Variants in TRAPPC9 observed in about 807,000 individuals in gnomAD.
TRAPPC9 encodes the protein trafficking protein particle complex subunit 9.
Under a neutral mutation model 124.0 loss-of-function variants are expected in TRAPPC9, and 83 were observed. The ratio of observed to expected loss-of-function variants is 0.67; its 90% CI spans 0.56 to 0.80. TRAPPC9 has a LOEUF of 0.80. TRAPPC9 is among the 30% of genes least tolerant of loss of function. The pLI, the probability that TRAPPC9 is intolerant of heterozygous loss-of-function variation, is 0.00. For missense variants in TRAPPC9, 1,302 were observed against 1,508.3 expected (o/e 0.86, Z 2.27); for synonymous variants, 638 against 617.5 (o/e 1.03, Z -0.49).
At chr8:140,308,300 A>G (rs935816678) in intron 10 of TRAPPC9, among the ~76,000 whole-genome samples, 1 of 151,232 alleles carries the variant, frequency 6.6e-6, no homozygotes, top group Non-Finnish European at 1.5e-5. Flanking sequence ...AGTACATTAG[A>G]GTCTGTTCTC....
At chr8:139,891,523 C>T (rs35568666) in intron 20 of TRAPPC9, among the ~76,000 whole-genome samples, 20,816 of 152,204 alleles carry the variant, frequency 0.14, 1,596 homozygotes, top group Admixed American at 0.2. Flanking sequence ...CAGGCTGGGC[C>T]CTGGGCTGGA....
intron 5 of TRAPPC9, among the ~76,000 whole-genome samples, chr8:140,423,747 T>TATAC (rs2070324153): frequency 6.6e-6 from 1 of 151,144 alleles, no homozygotes; most frequent in African/African-American, 2.5e-5. Flanking sequence ...TACACACATA[T>TATAC]ATATACATAT....
chr8:140,259,188 C>T (rs775318487), intron 15 of TRAPPC9, among the ~76,000 whole-genome samples: 1 of 152,234 alleles, frequency 6.6e-6, no homozygotes, highest in Non-Finnish European at 1.5e-5. Flanking sequence ...CACACCACTC[C>T]CTCTGCCAGG....
intron 11 of TRAPPC9, among the ~76,000 whole-genome samples, chr8:140,297,381 AC>A (rs1481404888): frequency 7.7e-6 from 1 of 130,490 alleles, no homozygotes; most frequent in African/African-American, 3.0e-5. Flanking sequence ...CACACAATAT[AC>A]ACATGCATAC....
intron 21 of TRAPPC9, among the ~76,000 whole-genome samples, chr8:139,743,861 C>G (rs1002044151): frequency 6.6e-6 from 1 of 152,200 alleles, no homozygotes; most frequent in African/African-American, 2.4e-5. Flanking sequence ...CAATGCCCCC[C>G]AGTCCAGCAT....
intron 9 of TRAPPC9, among the ~76,000 whole-genome samples, chr8:140,341,076 C>T (rs780515562): frequency 1.6e-4 from 25 of 152,166 alleles, no homozygotes; most frequent in South Asian, 2.1e-4. Flanking sequence ...AAAAAGGCAA[C>T]TGGGCTTATT....
At chr8:140,250,868 A>C (rs7017431) in intron 16 of TRAPPC9, among the ~76,000 whole-genome samples, 1 of 151,980 alleles carries the variant, frequency 6.6e-6, no homozygotes, top group Non-Finnish European at 1.5e-5. Flanking sequence ...ACCATAATTC[A>C]AGGCCTGATT....
chr8:139,799,670 G>A (rs1279405432), intron 21 of TRAPPC9, among the ~76,000 whole-genome samples: 1 of 152,184 alleles, frequency 6.6e-6, no homozygotes, highest in African/African-American at 2.4e-5. Context: ...TCCACACTCA[G>A]TCCGTGGGCA....
intron 2 of TRAPPC9, among the ~76,000 whole-genome samples, chr8:140,449,062 A>G (rs901676178): frequency 1.3e-5 from 2 of 152,174 alleles, no homozygotes; most frequent in Non-Finnish European, 2.9e-5. Context: ...GACCCTGCAA[A>G]GCACCACAGG....
chr8:140,315,885 A>C (rs1306662598), intron 9 of TRAPPC9, among the ~76,000 whole-genome samples: 1 of 152,204 alleles, frequency 6.6e-6, no homozygotes, highest in Non-Finnish European at 1.5e-5. Context: ...AAATCATGGG[A>C]AACTCCTATA....
At chr8:139,957,862 C>T (rs779541477) in intron 19 of TRAPPC9, among the ~76,000 whole-genome samples, 4 of 152,210 alleles carry the variant, frequency 2.6e-5, no homozygotes, top group Non-Finnish European at 4.4e-5. Flanking sequence ...GCCTCCTCTT[C>T]GTCTTCTCCA....
rs1817670572 is a variant in TRAPPC9, at chr8:139,728,714, C to T, written c.*2347G>A. On this transcript the variant is annotated 3_prime_UTR_variant, in exon 23 of 23. Transcript: ENST00000438773. ...CCTGGGGGTGGGGAAGGGCCTGGGG[C>T]TGGCAGAGCCAGGCTGTATTTGGGT... Among the ~76,000 whole-genome samples, 1 of 152,190 alleles carries T rather than the reference C, an allele frequency of 6.6e-6. No individual in the cohort carries two copies. The highest frequency in any genetic ancestry group is 2.1e-4 in the South Asian group (1 of 4,828).
At chr8:140,288,280 C>T (rs983980768) in intron 12 of TRAPPC9, among the ~76,000 whole-genome samples, 5 of 152,194 alleles carry the variant, frequency 3.3e-5, no homozygotes, top group South Asian at 2.1e-4. Flanking sequence ...GAGGCTGAGG[C>T]TGCAATGATC....
chr8:140,035,148 G>A (rs1840797105), intron 17 of TRAPPC9, among the ~76,000 whole-genome samples: 2 of 152,226 alleles, frequency 1.3e-5, no homozygotes, highest in Non-Finnish European at 2.9e-5. Flanking sequence ...GATTTGTTAG[G>A]ATCAGCAGAA....
chr8:139,915,403 C>T (rs1480896209), intron 19 of TRAPPC9, among the ~76,000 whole-genome samples: 2 of 152,150 alleles, frequency 1.3e-5, no homozygotes, highest in East Asian at 1.9e-4. Flanking sequence ...CATACTACCA[C>T]ATCTGGCTAA....
At chr8:140,162,961 C>T (rs1227084881) in intron 17 of TRAPPC9, among the ~76,000 whole-genome samples, 1 of 152,086 alleles carries the variant, frequency 6.6e-6, no homozygotes, top group African/African-American at 2.4e-5. Flanking sequence ...CACCATACTC[C>T]AGTCTGGGCA....
At chr8:140,423,825 G>A (rs146580992) in intron 5 of TRAPPC9, among the ~76,000 whole-genome samples, 309 of 152,058 alleles carry the variant, frequency 2.0e-3, no homozygotes, top group African/African-American at 6.9e-3. Flanking sequence ...CGTGCTATAC[G>A]CATGAAGCTT....
chr8:140,008,711 C>G (rs1288019378), intron 18 of TRAPPC9: 1 of 152,214 alleles, frequency 6.6e-6, no homozygotes, highest in Non-Finnish European at 1.5e-5. Flanking sequence ...TCCCAGACCT[C>G]GTCTACATCC....
At chr8:140,359,301 C>T (rs1385539812) in intron 9 of TRAPPC9, among the ~76,000 whole-genome samples, 3 of 152,138 alleles carry the variant, frequency 2.0e-5, no homozygotes, top group Non-Finnish European at 4.4e-5. Context: ...ACCCAGCTGG[C>T]ACCACACACT....
Sources: allele counts gnomAD v4.1 joint callset (sites outside exome capture counted in the v4.1 genomes callset), GRCh38; gene constraint gnomAD v4.1.1; transcripts MANE v1.5; gene names NCBI Gene and HGNC (gene_info 2026-07-23, HGNC 2026-07-21).